AFAP1L1: variants seen among roughly 807,000 people sequenced by gnomAD.
AFAP1L1 encodes the protein actin filament-associated protein 1-like 1.
A neutral mutation model predicts 99.8 loss-of-function variants in AFAP1L1; 77 were observed. That is an observed-to-expected ratio of 0.77 (90% CI 0.64 to 0.93). The LOEUF (loss-of-function observed/expected upper bound fraction) is 0.93. Among genes scored for constraint, AFAP1L1 ranks in the 40% least tolerant of loss-of-function variants. The pLI is 0.00. For missense variants in AFAP1L1, 893 were observed against 996.8 expected (o/e 0.90, Z 1.40); for synonymous variants, 373 against 395.3 (o/e 0.94, Z 0.67).
At position 149,271,973 on chromosome 5, in the gene AFAP1L1, A is replaced by G; in HGVS notation, c.5A>G (p.Asp2Gly). The change falls in exon 1 of 19, where the codon GAC becomes GGC. Residue 2 changes from aspartate (D) to glycine (G), a missense_variant. Transcript: ENST00000296721. M[D>G]RGQVLEQLLP... ...CCCGGGGACCGGGCCGGCGCCATGGACCGAGGCCAGGGTAAGAGGGGCCGC... is the reference window on the plus strand; with the variant it reads ...CCCGGGGACCGGGCCGGCGCCATGGGCCGAGGCCAGGGTAAGAGGGGCCGC... 1 of 1,235,612 alleles carries G rather than the reference A, an allele frequency of 8.1e-7. No individual in the cohort carries two copies. The highest frequency in any genetic ancestry group is 1.0e-6 in the Non-Finnish European group (1 of 987,414). The allele number at this position is 1,235,612 out of a possible 1,614,324, so 76.5% of individuals were successfully genotyped here.
intron 7 of AFAP1L1, 58 bp from the exon 8 acceptor site, chr5:149,309,898 G>A: frequency 6.2e-7 from 1 of 1,611,094 alleles, no homozygotes; most frequent in Non-Finnish European, 8.5e-7. Flanking sequence ...GTGTGAGGAT[G>A]TCTCCCTCCT....
intron 17 of AFAP1L1, among the ~76,000 whole-genome samples, chr5:149,334,330 AG>A (rs1757342533): frequency 6.6e-6 from 1 of 152,190 alleles, no homozygotes; most frequent in Non-Finnish European, 1.5e-5. Flanking sequence ...AGAGTCACAG[AG>A]GGCTGGTGGA....
intron 1 of AFAP1L1, among the ~76,000 whole-genome samples, chr5:149,286,570 T>C (rs352354): frequency 0.94 from 142,452 of 152,304 alleles, 66,686 homozygotes; most frequent in Non-Finnish European, 0.94. Flanking sequence ...TAATGCTTTG[T>C]TTTTCTGAAT....
intron 4 of AFAP1L1, 21 bp downstream of exon 4, chr5:149,301,251 C>T (rs1259785540): frequency 8.7e-6 from 14 of 1,610,146 alleles, no homozygotes; most frequent in Non-Finnish European, 1.2e-5. Flanking sequence ...GCCTGGGTTC[C>T]CACACCTCAG....
At chr5:149,332,275 T>C (rs1298117796) in intron 16 of AFAP1L1, among the ~76,000 whole-genome samples, 1 of 152,196 alleles carries the variant, frequency 6.6e-6, no homozygotes, top group African/African-American at 2.4e-5. Flanking sequence ...CGTGTGCCTG[T>C]AGTCCCAGCT....
intron 1 of AFAP1L1, among the ~76,000 whole-genome samples, chr5:149,293,965 A>G (rs1476073710): frequency 6.6e-6 from 1 of 152,192 alleles, no homozygotes; most frequent in Non-Finnish European, 1.5e-5. Flanking sequence ...CCACTGCACT[A>G]TTCTAAGCAA....
intron 15 of AFAP1L1, among the ~76,000 whole-genome samples, chr5:149,324,379 G>A (rs1757037218): frequency 6.6e-6 from 1 of 152,138 alleles, no homozygotes; most frequent in Non-Finnish European, 1.5e-5. Flanking sequence ...TCCTACCCAT[G>A]AGGGCTCCAC....
At chr5:149,318,051 G>T in intron 12 of AFAP1L1, 111 bp downstream of exon 12, 7 of 1,285,880 alleles carry the variant, frequency 5.4e-6, no homozygotes, top group South Asian at 1.5e-5. Flanking sequence ...GACTGAAGGG[G>T]AAGGAAAGCA....
At chr5:149,295,611 GAA>G (rs761317728) in intron 1 of AFAP1L1, among the ~76,000 whole-genome samples, 2 of 150,974 alleles carry the variant, frequency 1.3e-5, no homozygotes, top group African/African-American at 2.4e-5. Flanking sequence ...AGAATGGAGA[GAA>G]AGAGGAAGGG....
chr5:149,318,115 C>T (rs567219410), intron 12 of AFAP1L1, among the ~76,000 whole-genome samples, 175 bp downstream of exon 12: 1 of 152,254 alleles, frequency 6.6e-6, no homozygotes, highest in Non-Finnish European at 1.5e-5. Context: ...ACACAGGACA[C>T]CCACTTAATT....
At chr5:149,337,033 G>A (rs1375674725) in intron 18 of AFAP1L1, among the ~76,000 whole-genome samples, 1 of 152,174 alleles carries the variant, frequency 6.6e-6, no homozygotes, top group Admixed American at 6.5e-5. Context: ...AAGAAATGTG[G>A]AGACTGATGA....
Position 149,320,466 on chromosome 5 carries a change from A to G in AFAP1L1, c.1698+3A>G. On this transcript the variant is annotated splice_donor_region_variant and intron_variant, in intron 14 of 18. Transcript: ENST00000296721. This position sits in a 1 kb window ranked among gnomAD's most constrained non-coding sequence, Gnocchi z 4.0. ...ATGTTCCTTATGAAAAGATGCAGGT[A>G]CAGTCCCTTGGGGCTGCCCAGGAAT... The G allele has an allele frequency of 6.2e-7, 1 of 1,614,104 alleles. No homozygotes were observed. Among genetic ancestry groups the G allele is most frequent in the Non-Finnish European group, 8.5e-7 (1 of 1,179,942 alleles).
At chr5:149,298,596 A>G (rs1055351275) in intron 1 of AFAP1L1, among the ~76,000 whole-genome samples, 1 of 152,258 alleles carries the variant, frequency 6.6e-6, no homozygotes, top group Non-Finnish European at 1.5e-5. Context: ...AGTACAGGTT[A>G]GCTTCTGTTA....
intron 16 of AFAP1L1, 71 bp downstream of exon 16, chr5:149,329,901 C>G: frequency 7.4e-7 from 1 of 1,347,700 alleles, no homozygotes. Flanking sequence ...AAAGGGAGGT[C>G]TCTTGCACAA....
chr5:149,317,547 A>G (rs1756828958), intron 11 of AFAP1L1, among the ~76,000 whole-genome samples, 182 bp from the exon 12 acceptor site: 1 of 152,194 alleles, frequency 6.6e-6, no homozygotes, highest in African/African-American at 2.4e-5. Context: ...TTATCAGTCC[A>G]TGTTTCACAG....
Position 149,307,583 on chromosome 5 carries a change from G to A in AFAP1L1, c.717G>A (p.Gln239=). Residue 239 remains glutamine, a synonymous_variant, in exon 7 of 19, where the codon CAG becomes CAA. Coordinates refer to ENST00000296721, the MANE Select transcript of AFAP1L1 (RefSeq NM_152406.4). ...AGCGTTTCGGGCAGTGGGCCAAGCA[G>A]CTGACGGTCATCAGGGAGGACCAGC... ...RKKRFGQWAK[Q]LTVIREDQLL... 6.2e-7 allele frequency: 1 copy of A among 1,612,874 alleles called. No homozygotes were observed. The highest frequency in any genetic ancestry group is 1.1e-5 in the South Asian group (1 of 91,018).
chr5:149,341,447 C>T lies in AFAP1L1; in HGVS notation c.*1417C>T, dbSNP rs367798433. On this transcript the variant is annotated 3_prime_UTR_variant, in exon 19 of 19. Coordinates refer to ENST00000296721, the MANE Select transcript of AFAP1L1 (RefSeq NM_152406.4). ...ACCAGCTGGGTGACCTTGGGAAAGT[C>T]ACTTGATTGCTCTGATTCTTGTTTT... The T allele has an allele frequency of 7.9e-4, 121 of 152,344 alleles. No individual in the cohort carries two copies. The highest frequency in any genetic ancestry group is 2.7e-3 in the African/African-American group (114 of 41,580). 9.4% of individuals were successfully genotyped at this position (152,344 alleles called of 1,614,324 possible).
At chr5:149,288,644 T>A (rs1755756595) in intron 1 of AFAP1L1, among the ~76,000 whole-genome samples, 1 of 152,122 alleles carries the variant, frequency 6.6e-6, no homozygotes, top group African/African-American at 2.4e-5. Context: ...CTTTGTGAGC[T>A]CAACAGGGAG....
intron 1 of AFAP1L1, among the ~76,000 whole-genome samples, chr5:149,283,703 A>G (rs1269178530): frequency 6.6e-6 from 1 of 152,206 alleles, no homozygotes; most frequent in African/African-American, 2.4e-5. Flanking sequence ...TAGAATAAAT[A>G]TTTACTCTTC....
Sources: gnomAD v4.1 joint callset for allele counts (sites outside exome capture counted in the v4.1 genomes callset) on GRCh38, gnomAD v4.1.1 for gene constraint, Gnocchi (gnomAD v3.1) non-coding constraint, MANE v1.5 for transcripts, NCBI Gene and HGNC (gene_info 2026-07-23, HGNC 2026-07-21) for gene names.